KCNU1: variants seen among roughly 807,000 people sequenced by gnomAD.
The protein encoded by KCNU1 is potassium calcium-activated channel subfamily U member 1, also known as potassium channel subfamily U member 1.
Under a neutral mutation model 126.8 loss-of-function variants are expected in KCNU1, and 93 were observed. The ratio of observed to expected loss-of-function variants is 0.73; its 90% CI spans 0.62 to 0.87. The LOEUF is 0.87. Among genes scored for constraint, KCNU1 ranks in the 40% least tolerant of loss-of-function variants. The probability of loss-of-function intolerance (pLI) is 0.00; values close to 1 mark genes in which losing one functional copy is unlikely to be tolerated. For missense variants in KCNU1, 1,330 were observed against 1,367.1 expected, an observed-to-expected ratio of 0.97 and a Z score of 0.43; for synonymous variants, 523 against 494.2, an observed-to-expected ratio of 1.06 and a Z score of -0.77.
In KCNU1 at chr8:36,864,529, C is replaced by A; in HGVS notation, c.2009+8C>A. 6.6e-7 allele frequency: 1 copy of A among 1,509,840 alleles called. No homozygotes were observed. The highest frequency in any genetic ancestry group is 9.2e-7 in the Non-Finnish European group (1 of 1,085,116). 93.5% of individuals were successfully genotyped at this position (1,509,840 alleles called of 1,614,324 possible). A position where few individuals can be genotyped will look rare whatever the true frequency, so the allele number is the denominator to read the frequency against. On this transcript the variant is annotated splice_region_variant and intron_variant, in intron 19 of 26. Coordinates refer to ENST00000399881, the MANE Select transcript of KCNU1 (RefSeq NM_001031836.3). ...ATCAAACTTCACCACCAGGTAAAAGCTGCAGAGAACCCTGGTCTCCTATAG... is the reference window on the plus strand; with the variant it reads ...ATCAAACTTCACCACCAGGTAAAAGATGCAGAGAACCCTGGTCTCCTATAG...
At chr8:36,908,053 C>T (rs1807702034) in intron 20 of KCNU1, among the ~76,000 whole-genome samples, 1 of 152,042 alleles carries the variant, frequency 6.6e-6, no homozygotes, top group Non-Finnish European at 1.5e-5. Flanking sequence ...AGTCATATAG[C>T]TAACAATAGT....
At chr8:36,913,427 T>A (rs953971156) in intron 22 of KCNU1, among the ~76,000 whole-genome samples, 1 of 152,132 alleles carries the variant, frequency 6.6e-6, no homozygotes, top group African/African-American at 2.4e-5. Context: ...TGAGTGTGCT[T>A]ACTTGAAAAG....
At chr8:36,931,363 GTAGA>G (rs1177457019) in intron 25 of KCNU1, among the ~76,000 whole-genome samples, 1 of 152,076 alleles carries the variant, frequency 6.6e-6, no homozygotes, top group African/African-American at 2.4e-5. Flanking sequence ...ATTATGGGAA[GTAGA>G]TAAAGAAGTT....
At chr8:36,904,805 G>C (rs1167760607) in intron 19 of KCNU1, among the ~76,000 whole-genome samples, 2 of 152,118 alleles carry the variant, frequency 1.3e-5, no homozygotes, top group Non-Finnish European at 2.9e-5. Context: ...CTGTCCCCCA[G>C]GCTCCGGATG....
chr8:36,872,675 G>A (rs1232379912), intron 19 of KCNU1, among the ~76,000 whole-genome samples: 1 of 152,184 alleles, frequency 6.6e-6, no homozygotes, highest in Admixed American at 6.5e-5. Flanking sequence ...CACTACACAA[G>A]AGTCAGGAGT....
Position 36,818,090 on chromosome 8 carries a change from A to G in KCNU1, c.1106+330A>G, listed in dbSNP as rs577736687. Among the ~76,000 whole-genome samples, 7 of 152,334 alleles carry G rather than the reference A, an allele frequency of 4.6e-5. No individual in the cohort carries two copies. The East Asian group carries it at 1.3e-3, about 29-fold the overall frequency. ...TATAATTATTATTCTGTTAATTCTC[A>G]GAATTAGAAATGTGAAGTTCAAATC... On this transcript the variant is annotated intron_variant, in intron 10 of 26. Transcript: ENST00000399881.
Position 36,815,842 on chromosome 8 carries a change from A to T in KCNU1, c.995+155A>T, listed in dbSNP as rs73676534. Reference sequence around the variant, plus strand: ...ACTAAAAAGGACTGTGCTAAACTAAATACCGTAAGAAAATGATATTTGCTA... The same window carrying T: ...ACTAAAAAGGACTGTGCTAAACTAATTACCGTAAGAAAATGATATTTGCTA... On this transcript the variant is annotated intron_variant, in intron 9 of 26. Transcript: ENST00000399881. Among the ~76,000 whole-genome samples, 1,125 of 152,320 alleles carry T rather than the reference A, an allele frequency of 7.4e-3. 16 individuals carry two copies. The highest frequency in any genetic ancestry group is 0.026 in the African/African-American group (1,074 of 41,560).
At chr8:36,804,874 G>A (rs549195811) in intron 3 of KCNU1, among the ~76,000 whole-genome samples, 113 of 152,072 alleles carry the variant, frequency 7.4e-4, no homozygotes, top group Non-Finnish European at 1.1e-3. Context: ...CTAGATAGAT[G>A]ATCTTGCAAA....
chr8:36,795,697 T>C (rs532360177), intron 2 of KCNU1: 1 of 152,454 alleles, frequency 6.6e-6, no homozygotes, highest in African/African-American at 2.4e-5. Flanking sequence ...AGTTGATGAA[T>C]TCACTGGACC....
Position 36,909,480 on chromosome 8 carries a change from A to G in KCNU1, c.2276A>G (p.Tyr759Cys), listed in dbSNP as rs1330838537. The G allele has an allele frequency of 1.9e-6, 3 of 1,613,078 alleles. No individual in the cohort carries two copies. In the East Asian group the frequency reaches 6.7e-5, roughly 36 times the overall value. ...KDIVFIGSLD[Y>C]LQREWRFLWN... The stretch of plus-strand genomic sequence containing the variant: ...ATAGTGTTCATTGGGTCTCTGGACT[A>G]TCTACAGAGAGAATGGCGATTTCTC... Residue 759 changes from tyrosine (Y) to cysteine (C), a missense_variant, in exon 21 of 27, where the codon TAT (tyrosine) becomes TGT (cysteine). Coordinates refer to ENST00000399881, the MANE Select transcript of KCNU1 (RefSeq NM_001031836.3).
intron 19 of KCNU1, among the ~76,000 whole-genome samples, chr8:36,890,778 C>T (rs1016095090): frequency 6.6e-6 from 1 of 151,782 alleles, no homozygotes; most frequent in African/African-American, 2.4e-5. Flanking sequence ...AATATTTGGA[C>T]AGATTAAAAA....
chr8:36,888,918 AC>A, intron 19 of KCNU1: 1 of 403,614 alleles, frequency 2.5e-6, no homozygotes, highest in South Asian at 2.0e-5. Flanking sequence ...TCGCTCTGTC[AC>A]CCAGGCTGGA....
At chr8:36,929,921 A>T (rs1808649046) in intron 24 of KCNU1, among the ~76,000 whole-genome samples, 1 of 152,172 alleles carries the variant, frequency 6.6e-6, no homozygotes, top group South Asian at 2.1e-4. Flanking sequence ...AAGAAAATCA[A>T]GGCAGAACAA....
chr8:36,807,519 C>T, intron 6 of KCNU1, 69 bp downstream of exon 6: 2 of 1,099,640 alleles, frequency 1.8e-6, no homozygotes, highest in Non-Finnish European at 2.8e-6. Context: ...ATTAACTGGA[C>T]CCTAAACTCA....
At chr8:36,845,767 A>T (rs1221366074) in intron 17 of KCNU1, 35 bp from the exon 18 acceptor site, 2 of 1,527,544 alleles carry the variant, frequency 1.3e-6, no homozygotes, top group Non-Finnish European at 1.8e-6. Context: ...ATTAAGACTC[A>T]CATAATTCAT....
At chr8:36,919,920 C>T (rs1808278687) in intron 23 of KCNU1, among the ~76,000 whole-genome samples, 2 of 152,142 alleles carry the variant, frequency 1.3e-5, no homozygotes, top group African/African-American at 4.8e-5. Flanking sequence ...CTGGGAGTGA[C>T]AGTGTAGCAG....
chr8:36,847,345 T>A (rs1388766760), intron 18 of KCNU1, among the ~76,000 whole-genome samples: 2 of 152,208 alleles, frequency 1.3e-5, no homozygotes, highest in East Asian at 3.8e-4. Flanking sequence ...CACCTCAAAC[T>A]TTTGTCATTT....
At chr8:36,926,378 G>T (rs1256228151) in intron 24 of KCNU1, among the ~76,000 whole-genome samples, 1 of 152,130 alleles carries the variant, frequency 6.6e-6, no homozygotes, top group East Asian at 1.9e-4. Flanking sequence ...CCCTGACAAT[G>T]TTCTGTGCAG....
At chr8:36,784,885 G>C (rs927493522) in intron 1 of KCNU1, among the ~76,000 whole-genome samples, 1 of 152,072 alleles carries the variant, frequency 6.6e-6, no homozygotes, top group Non-Finnish European at 1.5e-5. Context: ...TCACTGTTCT[G>C]AAAAAAAGTT....
Sources: gnomAD v4.1 joint callset for allele counts (sites outside exome capture counted in the v4.1 genomes callset) on GRCh38, gnomAD v4.1.1 for gene constraint, MANE v1.5 for transcripts, NCBI Gene and HGNC (gene_info 2026-07-23, HGNC 2026-07-21) for gene names.